DGKE: variants seen among roughly 807,000 people sequenced by gnomAD.
DGKE encodes DAG kinase epsilon.
In DGKE, 53 loss-of-function variants were observed where a neutral mutation model predicts 70.0. The ratio of observed to expected loss-of-function variants is 0.76; its 90% CI spans 0.61 to 0.95. The LOEUF (loss-of-function observed/expected upper bound fraction) is 0.95, where lower values mean the gene tolerates loss of function less well. Ranked by LOEUF, DGKE falls within the 40% of genes least tolerant of loss-of-function variation. The pLI is 0.00. For missense variants in DGKE, 655 were observed against 706.9 expected (o/e 0.93, Z 0.83); for synonymous variants, 291 against 257.0 (o/e 1.13, Z -1.27).
intron 2 of DGKE, among the ~76,000 whole-genome samples, chr17:56,838,168 C>T (rs1180525211): frequency 2.6e-5 from 4 of 152,178 alleles, no homozygotes; most frequent in Non-Finnish European, 5.9e-5. Flanking sequence ...TACCCCACGC[C>T]TCACACACAA....
At chr17:56,854,331 GT>G (rs1265359705) in intron 7 of DGKE, among the ~76,000 whole-genome samples, 7 of 151,538 alleles carry the variant, frequency 4.6e-5, no homozygotes, top group Admixed American at 3.9e-4. Flanking sequence ...TTTTTTTTGT[GT>G]TTTTTTGAGA....
intron 2 of DGKE, chr17:56,835,643 C>T: frequency 3.2e-6 from 1 of 308,430 alleles, no homozygotes; most frequent in Non-Finnish European, 5.9e-6. Flanking sequence ...CCTTCAGCCG[C>T]AAAACTGATG....
intron 7 of DGKE, among the ~76,000 whole-genome samples, chr17:56,852,179 G>A (rs530819485): frequency 3.2e-4 from 48 of 152,340 alleles, no homozygotes; most frequent in African/African-American, 1.1e-3. Flanking sequence ...CTGGGAGGCT[G>A]AGGCAGGTGG....
chr17:56,856,864 G>A (rs537358399), intron 8 of DGKE, among the ~76,000 whole-genome samples: 21 of 151,958 alleles, frequency 1.4e-4, no homozygotes, highest in South Asian at 1.2e-3. Context: ...TTTGGGAGGC[G>A]GAGGCAGGTG....
At chr17:56,859,972 C>T (rs1175974020) in intron 9 of DGKE, among the ~76,000 whole-genome samples, 2 of 152,092 alleles carry the variant, frequency 1.3e-5, no homozygotes, top group Admixed American at 1.3e-4. Context: ...TAGAAGTAAG[C>T]AAGATTTTCT....
At position 56,840,622 on chromosome 17, in the gene DGKE, C is replaced by T. The variant is rs1169997890; in HGVS notation, c.465-3397C>T. Among the ~76,000 whole-genome samples, 3 of 152,148 alleles carry T rather than the reference C, an allele frequency of 2.0e-5. No homozygotes were observed. The East Asian group carries it at 5.8e-4, about 29-fold the overall frequency. On this transcript the variant is annotated intron_variant, in intron 2 of 11. Transcript: ENST00000284061. ...CTCAAACTTCTGACCTCAGGTGATCCGCCCGCCTGGCCTCCCAAATCCTGG... is the reference window on the plus strand; with the variant it reads ...CTCAAACTTCTGACCTCAGGTGATCTGCCCGCCTGGCCTCCCAAATCCTGG...
intron 2 of DGKE, chr17:56,835,579 A>G: frequency 2.4e-6 from 1 of 408,926 alleles, no homozygotes; most frequent in Non-Finnish European, 4.3e-6. Flanking sequence ...GTTCCTATCG[A>G]TTATCTCCTT....
chr17:56,859,927 A>G (rs1223321515), intron 9 of DGKE, among the ~76,000 whole-genome samples: 1 of 152,212 alleles, frequency 6.6e-6, no homozygotes, highest in African/African-American at 2.4e-5. Context: ...CGTTAGGCGT[A>G]ATGTTTAGCT....
In DGKE at chr17:56,834,908, T is replaced by C. The variant is rs1184132450; in HGVS notation, c.113T>C (p.Phe38Ser). ...CSVLLPVFITFWCSLQRSRRQ... is the reference protein window; with the variant it reads ...CSVLLPVFITSWCSLQRSRRQ... Reference sequence around the variant, plus strand: ...GTCCTGCTGCCGGTGTTCATCACCTTCTGGTGTAGCCTCCAGCGGTCGCGC... The same window carrying C: ...GTCCTGCTGCCGGTGTTCATCACCTCCTGGTGTAGCCTCCAGCGGTCGCGC... The change falls in exon 2 of 12, where the codon TTC (phenylalanine) becomes TCC (serine). Residue 38 changes from phenylalanine (F) to serine (S), a missense_variant. Physicochemically the swap from Phe to Ser is radical, Grantham distance 155. Transcript: ENST00000284061. 6.2e-7 allele frequency: 1 copy of C among 1,613,786 alleles called. No individual in the cohort carries two copies. The highest frequency in any genetic ancestry group is 1.3e-5 in the African/African-American group (1 of 75,064).
At chr17:56,855,937 C>T (rs1198446726) in intron 7 of DGKE, among the ~76,000 whole-genome samples, 1 of 146,266 alleles carries the variant, frequency 6.8e-6, no homozygotes, top group African/African-American at 2.5e-5. Context: ...ACCCGGGAGG[C>T]AGAGGTTGCA....
intron 7 of DGKE, among the ~76,000 whole-genome samples, chr17:56,851,380 A>G (rs1429306337): frequency 1.3e-5 from 2 of 152,246 alleles, no homozygotes; most frequent in Non-Finnish European, 2.9e-5. Context: ...GATTTAGTGC[A>G]AAGTGAGATC....
intron 3 of DGKE, among the ~76,000 whole-genome samples, chr17:56,844,947 C>T (rs528432249): frequency 5.2e-4 from 79 of 152,234 alleles, no homozygotes; most frequent in African/African-American, 1.8e-3. Flanking sequence ...TTATGACTTA[C>T]ATGCCACCTT....
chr17:56,848,843 A>C lies in DGKE; in HGVS notation c.1036A>C (p.Lys346Gln). The C allele has an allele frequency of 6.2e-7, 1 of 1,614,186 alleles. No homozygotes were observed. Among genetic ancestry groups the C allele is most frequent in the Non-Finnish European group, 8.5e-7 (1 of 1,180,020 alleles). The change falls in exon 6 of 12, where the codon AAA (lysine) becomes CAA (glutamine). Residue 346 changes from lysine to glutamine, a missense_variant. Coordinates refer to ENST00000284061, the MANE Select transcript of DGKE (RefSeq NM_003647.3). ...LRNVMEADGIKLDRWKVQVTN... is the reference protein window; with the variant it reads ...LRNVMEADGIQLDRWKVQVTN... The stretch of plus-strand genomic sequence containing the variant: ...AAATGTAATGGAAGCAGATGGAATT[A>C]AACTAGATCGGTAAGTTACGTTTCC...
chr17:56,846,666 C>A (rs1196569429), intron 4 of DGKE, among the ~76,000 whole-genome samples: 1 of 106,662 alleles, frequency 9.4e-6, no homozygotes, highest in Non-Finnish European at 2.0e-5. Context: ...TTAAAGACAA[C>A]CCATTGTGTA....
chr17:56,857,017 GA>G (rs1302639788), intron 8 of DGKE, among the ~76,000 whole-genome samples: 1 of 152,106 alleles, frequency 6.6e-6, no homozygotes, highest in South Asian at 2.1e-4. Context: ...AGAATCTCTT[GA>G]AACCAGGAGG....
intron 5 of DGKE, 72 bp downstream of exon 5, chr17:56,848,137 G>T: frequency 2.9e-6 from 2 of 691,744 alleles, no homozygotes; most frequent in East Asian, 7.3e-5. Flanking sequence ...TATATATATG[G>T]GTTTTGTTGT....
At chr17:56,854,650 A>G (rs531164677) in intron 7 of DGKE, among the ~76,000 whole-genome samples, 8 of 152,292 alleles carry the variant, frequency 5.3e-5, no homozygotes, top group Non-Finnish European at 8.8e-5. Context: ...CACCACAAAT[A>G]AATGATAAAC....
Position 56,866,848 on chromosome 17 carries a change from A to G in DGKE, c.*4057A>G, listed in dbSNP as rs1388000684. 6.6e-6 allele frequency: 1 copy of G among 152,250 alleles called. No homozygotes were observed. Among genetic ancestry groups the G allele is most frequent in the Non-Finnish European group, 1.5e-5 (1 of 68,042 alleles). The allele number at this position is 152,250 out of a possible 1,614,324, so 9.4% of individuals were successfully genotyped here. On this transcript the variant is annotated 3_prime_UTR_variant, in exon 12 of 12. Coordinates refer to ENST00000284061, the MANE Select transcript of DGKE (RefSeq NM_003647.3). ...TGCTATTTTTTATAAAGGGTTTGAA[A>G]GCCACTACTATAATGACTTTGTCAC...
rs150526891 is a variant in DGKE at position 56,850,536 on chromosome 17, AAG to A, written c.1098+1308_1098+1309del. Among the ~76,000 whole-genome samples the A allele has an allele frequency of 4.5e-3, 681 of 152,316 alleles. 6 individuals carry two copies. The highest frequency in any genetic ancestry group is 0.016 in the African/African-American group (661 of 41,564). On this transcript the variant is annotated intron_variant, in intron 7 of 11. Transcript: ENST00000284061. ...TAAGTAAATAAGGAGAAAACAGAGA[AAG>A]AGAATTACAGTAGGTGGGTGATAAA... is the stretch of plus-strand genomic sequence containing the variant.
Sources: allele counts gnomAD v4.1 joint callset (sites outside exome capture counted in the v4.1 genomes callset), GRCh38; gene constraint gnomAD v4.1.1; transcripts MANE v1.5; gene names NCBI Gene and HGNC (gene_info 2026-07-23, HGNC 2026-07-21).